QTMAN: variants seen among roughly 807,000 people sequenced by gnomAD.
QTMAN encodes the protein tRNA-queuosine alpha-mannosyltransferase.
At chr2:144,028,142 G>T in the QTMAN span, among the ~76,000 whole-genome samples, 2 of 152,090 alleles carry the variant, frequency 1.3e-5, no homozygotes, top group African/African-American at 4.8e-5. Flanking sequence ...TCATAGAAAA[G>T]AAATCATTTG....
At chr2:144,261,663 CA>C in the QTMAN span, among the ~76,000 whole-genome samples, 1 of 152,260 alleles carries the variant, frequency 6.6e-6, no homozygotes, top group East Asian at 1.9e-4. Context: ...TGAAAGTTCT[CA>C]GGGAGACGAC....
At chr2:144,158,060 G>T in the QTMAN span, among the ~76,000 whole-genome samples, 6 of 152,038 alleles carry the variant, frequency 3.9e-5, no homozygotes, top group Middle Eastern at 3.4e-3. Flanking sequence ...CATTGTAAAT[G>T]AATTTCATGA....
chr2:144,133,436 A>C, the QTMAN span, among the ~76,000 whole-genome samples: 2 of 56,830 alleles, frequency 3.5e-5, no homozygotes, highest in African/African-American at 2.2e-4. Flanking sequence ...ATAATATATA[A>C]TATATAATAT....
At chr2:144,058,110 A>C in the QTMAN span, among the ~76,000 whole-genome samples, 1 of 132,298 alleles carries the variant, frequency 7.6e-6, no homozygotes, top group African/African-American at 3.4e-5. Context: ...AGAAAGAAAG[A>C]ACCCCCCTCC....
At chr2:144,278,867 T>C in the QTMAN span, among the ~76,000 whole-genome samples, 2 of 152,186 alleles carry the variant, frequency 1.3e-5, no homozygotes, top group South Asian at 2.1e-4. Context: ...ATAATGATAA[T>C]AGCATCCAAC....
chr2:144,007,562 C>T, the QTMAN span: 100 of 1,438,572 alleles, frequency 7.0e-5, 1 homozygote, highest in East Asian at 2.2e-3. Flanking sequence ...ATGCAATATA[C>T]TTTTAGTGGA....
chr2:144,284,113 A>G, the QTMAN span, among the ~76,000 whole-genome samples: 1 of 152,126 alleles, frequency 6.6e-6, no homozygotes, highest in Non-Finnish European at 1.5e-5. Context: ...GTTTACAAAA[A>G]CAAATAATCA....
At chr2:144,220,220 C>A in the QTMAN span, among the ~76,000 whole-genome samples, 7 of 151,996 alleles carry the variant, frequency 4.6e-5, no homozygotes, top group Non-Finnish European at 1.0e-4. Flanking sequence ...ATTAGCTACC[C>A]ACTATTATAA....
At chr2:144,006,835 G>C in the QTMAN span, 1 of 184,230 alleles carries the variant, frequency 5.4e-6, no homozygotes, top group South Asian at 1.6e-4. Flanking sequence ...GTGTATATAT[G>C]AAATAGTTTT....
At chr2:144,157,625 A>G in the QTMAN span, among the ~76,000 whole-genome samples, 1 of 152,014 alleles carries the variant, frequency 6.6e-6, no homozygotes, top group African/African-American at 2.4e-5. Flanking sequence ...CAGAATGTCC[A>G]ATTATTTTTG....
At chr2:144,029,962 G>A in the QTMAN span, among the ~76,000 whole-genome samples, 1 of 152,238 alleles carries the variant, frequency 6.6e-6, no homozygotes, top group East Asian at 1.9e-4. Context: ...TTCTAGAAAG[G>A]AGCTCATAGA....
At chr2:144,198,216 T>TA in the QTMAN span, among the ~76,000 whole-genome samples, 541 of 144,252 alleles carry the variant, frequency 3.8e-3, 2 homozygotes, top group African/African-American at 5.1e-3. Flanking sequence ...AGACTTTGTT[T>TA]AAAAAAAAAA....
chr2:144,145,650 T>A, the QTMAN span: 1 of 1,611,712 alleles, frequency 6.2e-7, no homozygotes, highest in Non-Finnish European at 8.5e-7. Context: ...CTGGTTCTCG[T>A]GAAAATACAG....
chr2:144,134,069 C>T, the QTMAN span, among the ~76,000 whole-genome samples: 1 of 152,098 alleles, frequency 6.6e-6, no homozygotes, highest in Non-Finnish European at 1.5e-5. Context: ...CTCTTGATGG[C>T]AGAAAACAAA....
At chr2:144,046,777 T>C in the QTMAN span, among the ~76,000 whole-genome samples, 1 of 152,240 alleles carries the variant, frequency 6.6e-6, no homozygotes, top group Admixed American at 6.5e-5. Context: ...AAATATTCTA[T>C]GATCTCACAT....
the QTMAN span, among the ~76,000 whole-genome samples, chr2:144,072,578 G>T: frequency 6.6e-6 from 1 of 152,180 alleles, no homozygotes; most frequent in Non-Finnish European, 1.5e-5. Flanking sequence ...GTCAGGCAGG[G>T]CAGCAAGAAG....
chr2:144,049,003 T>C, the QTMAN span, among the ~76,000 whole-genome samples: 2 of 152,186 alleles, frequency 1.3e-5, no homozygotes, highest in East Asian at 1.9e-4. Flanking sequence ...GCAACACATG[T>C]TTTTAATAAA....
the QTMAN span, among the ~76,000 whole-genome samples, chr2:144,053,285 A>T: frequency 2.0e-5 from 3 of 152,182 alleles, no homozygotes; most frequent in African/African-American, 7.2e-5. Flanking sequence ...TTGGAGTAAA[A>T]AAACAAACTT....
chr2:144,286,963 T>A, the QTMAN span, among the ~76,000 whole-genome samples: 1 of 152,214 alleles, frequency 6.6e-6, no homozygotes, highest in African/African-American at 2.4e-5. Context: ...CATACAAATG[T>A]AACAATTTTC....
Sources: allele counts gnomAD v4.1 joint callset (sites outside exome capture counted in the v4.1 genomes callset), GRCh38; gene constraint gnomAD v4.1.1; transcripts MANE v1.5; gene names NCBI Gene and HGNC (gene_info 2026-07-23, HGNC 2026-07-21).